The following DGKI variants were observed in gnomAD, a reference collection of about 807,000 sequenced individuals.
DGKI encodes the protein DAG kinase iota.
DGKI carries 55 observed loss-of-function variants against 147.5 expected under a neutral mutation model. That is an observed-to-expected ratio of 0.37 (90% CI 0.30 to 0.47). The LOEUF is 0.47. Ranked by LOEUF, DGKI falls within the 20% of genes least tolerant of loss-of-function variation. The pLI, the probability that DGKI is intolerant of heterozygous loss-of-function variation, is 1.00. For synonymous variants in DGKI, 469 were observed against 477.1 expected (o/e 0.98, Z 0.22); for missense variants, 1,007 against 1,323.8 (o/e 0.76, Z 3.71).
At chr7:137,542,343 C>G (rs1817731781) in intron 20 of DGKI, among the ~76,000 whole-genome samples, 1 of 152,066 alleles carries the variant, frequency 6.6e-6, no homozygotes, top group Non-Finnish European at 1.5e-5. Flanking sequence ...CATTATTGCC[C>G]CAAACTGGAA....
chr7:137,696,955 A>G (rs1002111717), intron 1 of DGKI, among the ~76,000 whole-genome samples: 2 of 152,194 alleles, frequency 1.3e-5, no homozygotes, highest in Admixed American at 1.3e-4. Flanking sequence ...CCATGTGAAG[A>G]TGAAGGCAGA....
chr7:137,411,243 G>T (rs1400226737), intron 29 of DGKI, among the ~76,000 whole-genome samples: 1 of 152,136 alleles, frequency 6.6e-6, no homozygotes, highest in Non-Finnish European at 1.5e-5. Context: ...CCAGCAGGGG[G>T]TTTGCAGGGG....
intron 1 of DGKI, among the ~76,000 whole-genome samples, chr7:137,741,099 G>A (rs1055924047): frequency 6.6e-6 from 1 of 152,166 alleles, no homozygotes; most frequent in African/African-American, 2.4e-5. Flanking sequence ...CATCACCACT[G>A]TTCCTTGCTC....
chr7:137,503,886 A>G (rs574524472), intron 21 of DGKI, among the ~76,000 whole-genome samples: 3 of 152,266 alleles, frequency 2.0e-5, no homozygotes, highest in South Asian at 2.1e-4. Flanking sequence ...TCTATTATCA[A>G]CATGTACTGC....
chr7:137,528,115 T>C (rs187532130), intron 20 of DGKI, among the ~76,000 whole-genome samples: 129 of 152,214 alleles, frequency 8.5e-4, no homozygotes, highest in Non-Finnish European at 1.5e-3. Context: ...TCTGATGCTA[T>C]AGCACAGCTT....
chr7:137,785,428 T>C (rs990238556), intron 1 of DGKI, among the ~76,000 whole-genome samples: 2 of 151,718 alleles, frequency 1.3e-5, no homozygotes, highest in South Asian at 2.1e-4. Context: ...ACCAGGAAGA[T>C]AGAGAATCTC....
intron 3 of DGKI, among the ~76,000 whole-genome samples, chr7:137,657,795 G>C (rs1401412846): frequency 1.3e-5 from 2 of 152,186 alleles, no homozygotes; most frequent in Admixed American, 1.3e-4. Context: ...CATTGCTGCG[G>C]CCAGAGATTT....
At chr7:137,502,065 A>G (rs1816194470) in intron 21 of DGKI, among the ~76,000 whole-genome samples, 1 of 152,036 alleles carries the variant, frequency 6.6e-6, no homozygotes, top group African/African-American at 2.4e-5. Flanking sequence ...GCCTTCCCCC[A>G]TGATTGTGAG....
intron 21 of DGKI, among the ~76,000 whole-genome samples, chr7:137,499,626 C>A (rs904136402): frequency 6.6e-5 from 10 of 152,088 alleles, no homozygotes; most frequent in African/African-American, 2.4e-4. Context: ...GGTTCTCTTT[C>A]CAGGACTTAC....
intron 2 of DGKI, among the ~76,000 whole-genome samples, chr7:137,686,763 C>T (rs1165729584): frequency 6.6e-6 from 1 of 152,194 alleles, no homozygotes; most frequent in Non-Finnish European, 1.5e-5. Context: ...TCACCTGTAT[C>T]TCAGGCACCC....
In DGKI at chr7:137,620,909, A is replaced by G. The variant is rs142416181; in HGVS notation, c.877-969T>C. Among the ~76,000 whole-genome samples, 402 of 152,362 alleles carry G rather than the reference A, an allele frequency of 2.6e-3. 1 individual carries two copies. The highest frequency in any genetic ancestry group is 9.4e-3 in the African/African-American group (393 of 41,602). On this transcript the variant is annotated intron_variant, in intron 7 of 32. Transcript: ENST00000614521. ...AAAAATTCAACCTCAGTTTCTTCTT[A>G]GATTATACTTCACGTAACTATATTA...
intron 1 of DGKI, among the ~76,000 whole-genome samples, chr7:137,734,843 T>G (rs1284201948): frequency 6.6e-6 from 1 of 152,148 alleles, no homozygotes; most frequent in Non-Finnish European, 1.5e-5. Context: ...AAATCCAGAC[T>G]TCTGTGACTC....
At chr7:137,810,412 T>C (rs1460599439) in intron 1 of DGKI, among the ~76,000 whole-genome samples, 1 of 152,190 alleles carries the variant, frequency 6.6e-6, no homozygotes, top group Admixed American at 6.5e-5. Flanking sequence ...CTAAGTTTCA[T>C]TGCCCCAAGA....
In DGKI at chr7:137,381,820, A is replaced by G. The variant is rs941799500; in HGVS notation, c.*9400T>C. On this transcript the variant is annotated 3_prime_UTR_variant, in exon 33 of 33. Coordinates refer to ENST00000614521, the MANE Select transcript of DGKI (RefSeq NM_001321708.2). ...TTGCAAAATATTCTGTTGTGTTAGA[A>G]TATTTTGTCTATGAGAGTTCTAAAT... The G allele has an allele frequency of 6.6e-6, 1 of 152,112 alleles. No homozygotes were observed. Among genetic ancestry groups the G allele is most frequent in the Non-Finnish European group, 1.5e-5 (1 of 68,014 alleles). 9.4% of individuals were successfully genotyped at this position (152,112 alleles called of 1,614,324 possible). A position where few individuals can be genotyped will look rare whatever the true frequency, so the allele number is the denominator to read the frequency against.
Position 137,469,039 on chromosome 7 carries a change from A to C in DGKI, c.2443+511T>G, listed in dbSNP as rs537239628. Among the ~76,000 whole-genome samples, 8 of 152,290 alleles carry C rather than the reference A, an allele frequency of 5.3e-5. No individual in the cohort carries two copies. The East Asian group carries it at 1.5e-3, about 29-fold the overall frequency. The stretch of plus-strand genomic sequence containing the variant: ...AAAAAAACGGACTCATTAAACAATC[A>C]TAAGATAACTAACCTATTATGCATG... On this transcript the variant is annotated intron_variant, in intron 24 of 32. Transcript: ENST00000614521.
At chr7:137,455,650 C>T (rs867057216) in intron 27 of DGKI, among the ~76,000 whole-genome samples, 11 of 50,860 alleles carry the variant, frequency 2.2e-4, no homozygotes, top group East Asian at 4.9e-4. Flanking sequence ...GGGGGGGGGG[C>T]GGGGAATGTG....
At chr7:137,630,482 C>T (rs1821090184) in intron 6 of DGKI, among the ~76,000 whole-genome samples, 1 of 152,172 alleles carries the variant, frequency 6.6e-6, no homozygotes, top group African/African-American at 2.4e-5. Context: ...GCACAAGATT[C>T]TCAGTACAAC....
intron 12 of DGKI, among the ~76,000 whole-genome samples, chr7:137,593,090 A>G (rs1819671442): frequency 6.6e-6 from 1 of 152,180 alleles, no homozygotes; most frequent in Non-Finnish European, 1.5e-5. Flanking sequence ...ATGCTTTTTC[A>G]TCTAGAAAAG....
chr7:137,582,035 A>G, intron 14 of DGKI, 107 bp from the exon 15 acceptor site: 1 of 758,620 alleles, frequency 1.3e-6, no homozygotes. Context: ...CCTAGGAGAC[A>G]GATCAGCCAC....
Sources: gnomAD v4.1 joint callset for allele counts (sites outside exome capture counted in the v4.1 genomes callset) on GRCh38, gnomAD v4.1.1 for gene constraint, MANE v1.5 for transcripts, NCBI Gene and HGNC (gene_info 2026-07-23, HGNC 2026-07-21) for gene names.